Variants in HACE1 observed in about 807,000 individuals in gnomAD.
HACE1 encodes the protein E3 ubiquitin-protein ligase HACE1.
Under a neutral mutation model 118.4 loss-of-function variants are expected in HACE1, and 73 were observed. The observed-to-expected ratio is 0.62, with a 90% CI of 0.51 to 0.75. The LOEUF (loss-of-function observed/expected upper bound fraction) is 0.75, where lower values mean the gene tolerates loss of function less well. Ranked by LOEUF, HACE1 falls within the 30% of genes least tolerant of loss-of-function variation. The probability of loss-of-function intolerance (pLI) is 0.00; values close to 1 mark genes in which losing one functional copy is unlikely to be tolerated. For missense variants in HACE1, 749 were observed against 1,102.2 expected, an observed-to-expected ratio of 0.68 and a Z score of 4.54; for synonymous variants, 368 against 374.8, an observed-to-expected ratio of 0.98 and a Z score of 0.21.
intron 22 of HACE1, among the ~76,000 whole-genome samples, chr6:104,736,867 T>C (rs1048444203): frequency 1.3e-5 from 2 of 152,196 alleles, no homozygotes; most frequent in African/African-American, 4.8e-5. Flanking sequence ...AAAATGTTAA[T>C]TGTATGTATC....
At chr6:104,822,437 T>C (rs1215164685) in intron 6 of HACE1, among the ~76,000 whole-genome samples, 4 of 148,872 alleles carry the variant, frequency 2.7e-5, no homozygotes, top group African/African-American at 9.9e-5. Context: ...CCTGTAGCCC[T>C]AGCTACTTGG....
At chr6:104,758,454 T>C (rs61619952) in intron 19 of HACE1, among the ~76,000 whole-genome samples, 220 of 152,216 alleles carry the variant, frequency 1.4e-3, no homozygotes, top group African/African-American at 5.2e-3. Flanking sequence ...AAACTAAGCT[T>C]CATAAGTGAA....
intron 22 of HACE1, among the ~76,000 whole-genome samples, chr6:104,734,694 T>A (rs1775626654): frequency 6.6e-6 from 1 of 152,174 alleles, no homozygotes; most frequent in Non-Finnish European, 1.5e-5. Context: ...TTGCCACACT[T>A]CATAACTAAA....
chr6:104,816,771 A>C (rs555480134), intron 6 of HACE1, among the ~76,000 whole-genome samples: 1 of 152,252 alleles, frequency 6.6e-6, no homozygotes, highest in South Asian at 2.1e-4. Context: ...ACACGTACTC[A>C]ATGTCAGCCT....
chr6:104,743,063 C>CA (rs976503808), intron 22 of HACE1, among the ~76,000 whole-genome samples: 12 of 149,786 alleles, frequency 8.0e-5, no homozygotes, highest in African/African-American at 2.2e-4. Flanking sequence ...ATCGCAAGAA[C>CA]AAAAAACCAA....
chr6:104,766,685 T>C (rs1780048996), intron 19 of HACE1: 1 of 152,248 alleles, frequency 6.6e-6, no homozygotes, highest in Non-Finnish European at 1.5e-5. Context: ...ACTGCCTTAG[T>C]AAATGAGAAG....
In HACE1 at chr6:104,728,880, G is replaced by A. The variant is rs1003492452; in HGVS notation, c.*782C>T. The A allele has an allele frequency of 2.6e-5, 4 of 152,478 alleles. No individual in the cohort carries two copies. The highest frequency in any genetic ancestry group is 6.6e-5 in the Admixed American group (1 of 15,256). The allele number at this position is 152,478 out of a possible 1,614,324, so 9.4% of individuals were successfully genotyped here. Reference sequence around the variant, plus strand: ...ATTTGCACATCAGATTACTTTTTCAGATGTGTCAGAGCTCACAGATAAAAG... The same window carrying A: ...ATTTGCACATCAGATTACTTTTTCAAATGTGTCAGAGCTCACAGATAAAAG... On this transcript the variant is annotated 3_prime_UTR_variant, in exon 24 of 24. Coordinates refer to ENST00000262903, the MANE Select transcript of HACE1 (RefSeq NM_020771.4).
intron 17 of HACE1, among the ~76,000 whole-genome samples, chr6:104,774,369 C>T (rs1242454087): frequency 1.1e-5 from 1 of 94,168 alleles, no homozygotes. Flanking sequence ...GGATTACAGG[C>T]GTGAGCCACC....
At chr6:104,733,523 TTACAG>T (rs1775434373) in intron 22 of HACE1, among the ~76,000 whole-genome samples, 1 of 152,128 alleles carries the variant, frequency 6.6e-6, no homozygotes, top group African/African-American at 2.4e-5. Context: ...CAGTATAAAA[TTACAG>T]TAAACAAAAA....
intron 6 of HACE1, among the ~76,000 whole-genome samples, chr6:104,819,141 C>T (rs551485204): frequency 5.3e-5 from 8 of 152,296 alleles, no homozygotes; most frequent in African/African-American, 1.9e-4. Context: ...TTGGAAAATA[C>T]CACAGTCTCA....
intron 19 of HACE1, chr6:104,766,871 A>T (rs1178567244): frequency 6.6e-6 from 1 of 152,182 alleles, no homozygotes; most frequent in Admixed American, 6.5e-5. Flanking sequence ...TACAGAGAAG[A>T]CTGGATGGCC....
At chr6:104,799,567 T>A (rs1353469223) in intron 7 of HACE1, among the ~76,000 whole-genome samples, 1 of 152,188 alleles carries the variant, frequency 6.6e-6, no homozygotes, top group Non-Finnish European at 1.5e-5. Flanking sequence ...ATTTTTCAGA[T>A]GAGAAAACCA....
Position 104,729,271 on chromosome 6 carries a change from A to G in HACE1, c.*391T>C. On this transcript the variant is annotated 3_prime_UTR_variant, in exon 24 of 24. Transcript: ENST00000262903. ...CAGTTTACATGCAAAAGAACACACC[A>G]GCTGGATGACCTCATATAATATATC... The G allele has an allele frequency of 9.9e-6, 2 of 202,606 alleles. 1 individual carries two copies. The highest frequency in any genetic ancestry group is 2.0e-5 in the Non-Finnish European group (2 of 98,562). The allele number at this position is 202,606 out of a possible 1,614,324, so 12.6% of individuals were successfully genotyped here. A position where few individuals can be genotyped will look rare whatever the true frequency, so the allele number is the denominator to read the frequency against.
chr6:104,852,260 A>G (rs1476323836), intron 2 of HACE1, 57 bp downstream of exon 2: 1 of 978,292 alleles, frequency 1.0e-6, no homozygotes, highest in Non-Finnish European at 1.7e-6. Flanking sequence ...CATGCAGTAC[A>G]CATTTAGAAC....
intron 7 of HACE1, among the ~76,000 whole-genome samples, chr6:104,798,138 G>A (rs567314755): frequency 4.6e-5 from 7 of 151,842 alleles, no homozygotes; most frequent in South Asian, 4.2e-4. Flanking sequence ...TGTACAGTTT[G>A]GAAGAGCATG....
chr6:104,851,386 T>C (rs1776191146), intron 2 of HACE1, among the ~76,000 whole-genome samples: 1 of 152,192 alleles, frequency 6.6e-6, no homozygotes, highest in African/African-American at 2.4e-5. Context: ...CCGGCCTAGC[T>C]ATTCTTCTGA....
intron 7 of HACE1, among the ~76,000 whole-genome samples, chr6:104,797,617 T>C (rs940487081): frequency 6.6e-6 from 1 of 152,184 alleles, no homozygotes; most frequent in Non-Finnish European, 1.5e-5. Flanking sequence ...CTTCATTTTA[T>C]CAACCCACTC....
At chr6:104,782,523 T>G (rs1017302310) in intron 14 of HACE1, 2 of 152,124 alleles carry the variant, frequency 1.3e-5, no homozygotes, top group South Asian at 2.1e-4. Flanking sequence ...AAATTGAACT[T>G]GAGAACCAGA....
At chr6:104,772,210 T>C (rs1780698630) in intron 17 of HACE1, 136 bp from the exon 18 acceptor site, 1 of 581,124 alleles carries the variant, frequency 1.7e-6, no homozygotes, top group African/African-American at 1.9e-5. Context: ...TCCAGAGAAA[T>C]GTTCTTTGTG....
Sources: allele counts gnomAD v4.1 joint callset (sites outside exome capture counted in the v4.1 genomes callset), GRCh38; gene constraint gnomAD v4.1.1; transcripts MANE v1.5; gene names NCBI Gene and HGNC (gene_info 2026-07-23, HGNC 2026-07-21).